Variants in GPC6 observed in about 807,000 individuals in gnomAD.
GPC6 encodes the protein glypican-6.
A neutral mutation model predicts 55.2 loss-of-function variants in GPC6; 14 were observed. The observed-to-expected ratio is 0.25, with a 90% confidence interval of 0.17 to 0.40. The LOEUF (loss-of-function observed/expected upper bound fraction) is 0.40, where lower values mean the gene tolerates loss of function less well. GPC6 is among the 10% of genes least tolerant of loss of function. The pLI, the probability that GPC6 is intolerant of heterozygous loss-of-function variation, is 1.00. For missense variants in GPC6, 641 were observed against 708.5 expected, an observed-to-expected ratio of 0.90 and a Z score of 1.08; for synonymous variants, 278 against 259.6, an observed-to-expected ratio of 1.07 and a Z score of -0.68.
chr13:93,392,033 T>C (rs560346808), intron 1 of GPC6, among the ~76,000 whole-genome samples: 1 of 152,190 alleles, frequency 6.6e-6, no homozygotes, highest in Non-Finnish European at 1.5e-5. Context: ...AACAACTTCT[T>C]AGTTTTCTTA....
At chr13:94,024,055 G>C (rs1438288227) in intron 3 of GPC6, among the ~76,000 whole-genome samples, 1 of 151,136 alleles carries the variant, frequency 6.6e-6, no homozygotes, top group Non-Finnish European at 1.5e-5. Context: ...GGTGGTGGTG[G>C]TTCCACAAAT....
In GPC6 at chr13:93,602,728, T is replaced by C. The variant is rs187988001; in HGVS notation, c.319+57307T>C. ...TACATGGCATACTTCTTTCATTATT[T>C]TATTTTAAAAACACTATTTAAATGC... On this transcript the variant is annotated intron_variant, in intron 2 of 8. Coordinates refer to ENST00000377047, the MANE Select transcript of GPC6 (RefSeq NM_005708.5). 4.0e-4 allele frequency among the ~76,000 whole-genome samples: 61 copies of C among 152,330 alleles called. No homozygotes were observed. In the East Asian group the frequency reaches 4.2e-3, roughly 11 times the overall value.
chr13:94,176,748 G>A (rs1888788704), intron 4 of GPC6, among the ~76,000 whole-genome samples: 1 of 152,094 alleles, frequency 6.6e-6, no homozygotes, highest in Non-Finnish European at 1.5e-5. Flanking sequence ...TGCTAAAACA[G>A]GAAGAAAAGC....
At chr13:93,995,719 T>C (rs1881515586) in intron 3 of GPC6, among the ~76,000 whole-genome samples, 1 of 152,206 alleles carries the variant, frequency 6.6e-6, no homozygotes, top group Admixed American at 6.5e-5. Flanking sequence ...ATTCAAAATA[T>C]TTTTCTCTGA....
At chr13:93,612,827 G>A (rs1248503518) in intron 2 of GPC6, among the ~76,000 whole-genome samples, 1 of 152,108 alleles carries the variant, frequency 6.6e-6, no homozygotes, top group Non-Finnish European at 1.5e-5. Context: ...AAAGGTATTC[G>A]TATGTGTGTC....
intron 1 of GPC6, among the ~76,000 whole-genome samples, chr13:93,306,279 A>C (rs141771949): frequency 6.6e-6 from 1 of 152,284 alleles, no homozygotes; most frequent in Non-Finnish European, 1.5e-5. Flanking sequence ...TGATGAGAGT[A>C]AACACTGTAT....
At chr13:93,747,658 C>G (rs370307635) in intron 2 of GPC6, among the ~76,000 whole-genome samples, 2 of 152,168 alleles carry the variant, frequency 1.3e-5, no homozygotes, top group East Asian at 3.9e-4. Context: ...AGGTATTCAA[C>G]ACTTCATTAA....
intron 2 of GPC6, among the ~76,000 whole-genome samples, chr13:93,583,040 A>T (rs7988833): frequency 0.039 from 5,980 of 152,322 alleles, 388 homozygotes; most frequent in African/African-American, 0.14. Context: ...TCTCACCTTA[A>T]CAGGTGATTT....
At chr13:93,826,161 G>A (rs575294081) in intron 2 of GPC6, among the ~76,000 whole-genome samples, 14 of 152,130 alleles carry the variant, frequency 9.2e-5, no homozygotes, top group African/African-American at 3.1e-4. Context: ...CACCCGGCCG[G>A]ATGTCAGCTT....
At chr13:94,027,218 C>G (rs563526030) in intron 3 of GPC6, among the ~76,000 whole-genome samples, 2 of 152,214 alleles carry the variant, frequency 1.3e-5, no homozygotes, top group Non-Finnish European at 2.9e-5. Flanking sequence ...GCTGCAGATG[C>G]CCAAAGATGG....
intron 1 of GPC6, among the ~76,000 whole-genome samples, chr13:93,475,725 A>G (rs1482078290): frequency 6.6e-6 from 1 of 152,222 alleles, no homozygotes; most frequent in Admixed American, 6.5e-5. Context: ...AGATAATATA[A>G]AACGCCAGAA....
At chr13:94,195,062 T>G (rs914885584) in intron 4 of GPC6, among the ~76,000 whole-genome samples, 1 of 152,186 alleles carries the variant, frequency 6.6e-6, no homozygotes, top group Non-Finnish European at 1.5e-5. Flanking sequence ...CTTTTCAAAA[T>G]AAGAAGCCTG....
intron 1 of GPC6, among the ~76,000 whole-genome samples, chr13:93,427,443 G>A (rs1046801407): frequency 6.6e-5 from 10 of 151,538 alleles, no homozygotes; most frequent in African/African-American, 2.2e-4. Context: ...CAGAAATAAC[G>A]CCACATATCT....
chr13:93,750,857 G>A (rs1040269702), intron 2 of GPC6, among the ~76,000 whole-genome samples: 6 of 152,148 alleles, frequency 3.9e-5, no homozygotes, highest in African/African-American at 1.4e-4. Flanking sequence ...GTGATTCCAA[G>A]GCGAGTCCAA....
rs574683104 is a variant in GPC6, at chr13:94,077,309, A to T, written c.877+49415A>T. Among the ~76,000 whole-genome samples the T allele has an allele frequency of 3.6e-3, 548 of 151,882 alleles. 6 individuals carry two copies. Among genetic ancestry groups the T allele is most frequent in the African/African-American group, 0.013 (527 of 41,516 alleles). ...TTGTTAATGTATAGAAACATGACCGATTTTTTAATGTTGATTTTGTATTCT... is the reference window on the plus strand; with the variant it reads ...TTGTTAATGTATAGAAACATGACCGTTTTTTTAATGTTGATTTTGTATTCT... On this transcript the variant is annotated intron_variant, in intron 4 of 8. Transcript: ENST00000377047.
chr13:93,994,047 T>TA (rs1482503367), intron 3 of GPC6, among the ~76,000 whole-genome samples: 1 of 152,194 alleles, frequency 6.6e-6, no homozygotes, highest in African/African-American at 2.4e-5. Flanking sequence ...ACAAAATACT[T>TA]ACGTTTATTA....
chr13:93,674,230 G>T (rs1352390003), intron 2 of GPC6, among the ~76,000 whole-genome samples: 2 of 152,068 alleles, frequency 1.3e-5, no homozygotes, highest in South Asian at 2.1e-4. Flanking sequence ...AGGGGTAAAG[G>T]TTGCCTTTAA....
intron 4 of GPC6, among the ~76,000 whole-genome samples, chr13:94,221,089 C>A (rs549733226): frequency 6.6e-6 from 1 of 152,198 alleles, no homozygotes; most frequent in African/African-American, 2.4e-5. Context: ...CTTTAGCCAA[C>A]AATTTTTTTC....
intron 2 of GPC6, among the ~76,000 whole-genome samples, chr13:93,805,462 AT>A (rs2138943703): frequency 6.6e-6 from 1 of 152,288 alleles, no homozygotes; most frequent in South Asian, 2.1e-4. Flanking sequence ...AATCATATAC[AT>A]TTTAAAAGAT....
Sources: allele counts gnomAD v4.1 joint callset (sites outside exome capture counted in the v4.1 genomes callset), GRCh38; gene constraint gnomAD v4.1.1; transcripts MANE v1.5; gene names NCBI Gene and HGNC (gene_info 2026-07-23, HGNC 2026-07-21).